ME3: variants seen among roughly 807,000 people sequenced by gnomAD.
The protein encoded by ME3 is malic enzyme 3, also known as NADP-dependent malic enzyme, mitochondrial.
Under a neutral mutation model 68.9 loss-of-function variants are expected in ME3, and 48 were observed. The ratio of observed to expected loss-of-function variants is 0.70; its 90% CI spans 0.55 to 0.89. The LOEUF is 0.89. Ranked by LOEUF, ME3 falls within the 40% of genes least tolerant of loss-of-function variation. The probability of loss-of-function intolerance (pLI) is 0.00; values close to 1 mark genes in which losing one functional copy is unlikely to be tolerated. For synonymous variants in ME3, 320 were observed against 318.8 expected, an observed-to-expected ratio of 1.00 and a Z score of -0.04; for missense variants, 675 against 797.4, an observed-to-expected ratio of 0.85 and a Z score of 1.85.
intron 8 of ME3, chr11:86,457,829 A>G (rs1355853479): frequency 2.4e-6 from 3 of 1,243,812 alleles, no homozygotes; most frequent in Non-Finnish European, 3.1e-6. Context: ...TTTCCTGCAA[A>G]CTGAGTACTT....
At chr11:86,485,430 T>G (rs1951628749) in intron 7 of ME3, among the ~76,000 whole-genome samples, 1 of 152,236 alleles carries the variant, frequency 6.6e-6, no homozygotes, top group South Asian at 2.1e-4. Flanking sequence ...TTCACCTCCC[T>G]TGTCCTAGAT....
intron 2 of ME3, among the ~76,000 whole-genome samples, chr11:86,607,122 A>G (rs1961780589): frequency 1.3e-5 from 2 of 152,184 alleles, no homozygotes; most frequent in South Asian, 4.1e-4. Context: ...TTTATGACTA[A>G]GTGCAGCACT....
intron 2 of ME3, among the ~76,000 whole-genome samples, chr11:86,654,117 C>CA (rs1203402913): frequency 2.0e-5 from 3 of 151,668 alleles, no homozygotes; most frequent in East Asian, 1.9e-4. Context: ...GCTTACCAAC[C>CA]AAAAAAAATC....
intron 2 of ME3, among the ~76,000 whole-genome samples, chr11:86,609,748 G>C (rs1942425604): frequency 6.6e-6 from 1 of 152,092 alleles, no homozygotes; most frequent in Admixed American, 6.6e-5. Context: ...CAAAAAATTG[G>C]GAACAACTTA....
chr11:86,540,552 C>T (rs928126655), intron 4 of ME3, among the ~76,000 whole-genome samples: 1 of 152,108 alleles, frequency 6.6e-6, no homozygotes, highest in African/African-American at 2.4e-5. Context: ...TTCCTAAATC[C>T]AAATCCCTAT....
At chr11:86,472,455 T>C (rs940518510) in intron 7 of ME3, among the ~76,000 whole-genome samples, 1 of 152,054 alleles carries the variant, frequency 6.6e-6, no homozygotes, top group African/African-American at 2.4e-5. Context: ...CAGTGAGAGA[T>C]TGTGAAGTCC....
intron 2 of ME3, among the ~76,000 whole-genome samples, chr11:86,611,962 G>C (rs1380316759): frequency 1.3e-5 from 2 of 152,104 alleles, no homozygotes; most frequent in Non-Finnish European, 2.9e-5. Flanking sequence ...CTTCTAAAAA[G>C]AATGAGATAC....
In ME3 at chr11:86,551,674, C is replaced by G. The variant is rs146327214; in HGVS notation, c.467+4879G>C. 2.8e-4 allele frequency among the ~76,000 whole-genome samples: 43 copies of G among 152,284 alleles called. No homozygotes were observed. The East Asian group carries it at 8.3e-3, about 29-fold the overall frequency. On this transcript the variant is annotated intron_variant, in intron 4 of 14. Transcript: ENST00000543262. Reference sequence around the variant, plus strand: ...TGCACACAAAATAGCTAGACCAGGGCCCACCATGGGAAGTACATGCATTCA... The same window carrying G: ...TGCACACAAAATAGCTAGACCAGGGGCCACCATGGGAAGTACATGCATTCA...
intron 2 of ME3, among the ~76,000 whole-genome samples, chr11:86,579,306 A>G (rs556969694): frequency 2.8e-4 from 42 of 152,210 alleles, no homozygotes; most frequent in Non-Finnish European, 5.0e-4. Context: ...TCAGGTGTGC[A>G]GGTCCAAACT....
chr11:86,448,313 C>G (rs1322088438), intron 10 of ME3, 58 bp from the exon 11 acceptor site: 6 of 1,300,652 alleles, frequency 4.6e-6, no homozygotes, highest in Non-Finnish European at 6.7e-6. Flanking sequence ...GGTAGGAGTA[C>G]AGATGCATTT....
rs77584429 is a variant in ME3, at chr11:86,566,716, A to C, written c.184-6893T>G. ...TTCCACGGCTGTTACTTCACACTCT[A>C]TTGCTTCTTAAACCAGGATGCATTT... On this transcript the variant is annotated intron_variant, in intron 2 of 14. Coordinates refer to ENST00000543262, the Ensembl canonical transcript of ME3. Among the ~76,000 whole-genome samples the C allele has an allele frequency of 2.5e-4, 38 of 152,270 alleles. No homozygotes were observed. The East Asian group carries it at 6.2e-3, about 25-fold the overall frequency.
rs184528978 is a variant in ME3, at chr11:86,623,911, T to A, written c.183+47851A>T. On this transcript the variant is annotated intron_variant, in intron 2 of 14. Transcript: ENST00000543262. ...TGTCTGCCCAGATCAAAATCACACC[T>A]CCCTGCCTGCCCACACACATATGCC... 3.1e-3 allele frequency among the ~76,000 whole-genome samples: 471 copies of A among 152,222 alleles called. 2 individuals carry two copies. The highest frequency in any genetic ancestry group is 5.2e-3 in the Non-Finnish European group (353 of 68,018).
intron 2 of ME3, among the ~76,000 whole-genome samples, chr11:86,585,923 C>T (rs947427203): frequency 2.6e-5 from 4 of 152,160 alleles, no homozygotes; most frequent in East Asian, 1.9e-4. Flanking sequence ...GGAAGGAAGG[C>T]GTGACCAACA....
At chr11:86,620,506 A>G (rs1271141235) in intron 2 of ME3, among the ~76,000 whole-genome samples, 1 of 152,236 alleles carries the variant, frequency 6.6e-6, no homozygotes, top group East Asian at 1.9e-4. Context: ...TTAGGATGAC[A>G]TCTAAAAATA....
intron 4 of ME3, among the ~76,000 whole-genome samples, chr11:86,551,599 T>G (rs988061087): frequency 2.0e-5 from 3 of 152,180 alleles, no homozygotes; most frequent in African/African-American, 7.2e-5. Context: ...CGTTTTCATC[T>G]CAGTGAAATA....
At chr11:86,488,727 C>T (rs1951834287) in intron 6 of ME3, among the ~76,000 whole-genome samples, 1 of 152,168 alleles carries the variant, frequency 6.6e-6, no homozygotes, top group Admixed American at 6.5e-5. Flanking sequence ...TTCTCATGTA[C>T]TATTGCTGAC....
At chr11:86,650,372 C>A (rs1945319855) in intron 2 of ME3, among the ~76,000 whole-genome samples, 1 of 152,182 alleles carries the variant, frequency 6.6e-6, no homozygotes, top group South Asian at 2.1e-4. Flanking sequence ...AAAACCTAGG[C>A]AATACCATTC....
intron 2 of ME3, among the ~76,000 whole-genome samples, chr11:86,580,103 G>A (rs1342005849): frequency 3.3e-5 from 5 of 152,232 alleles, no homozygotes; most frequent in East Asian, 1.9e-4. Context: ...TGATTAGCTC[G>A]AGAATCTATA....
At chr11:86,595,320 G>GAGAGGGAGAGAGAC (rs1959234169) in intron 2 of ME3, among the ~76,000 whole-genome samples, 1 of 138,642 alleles carries the variant, frequency 7.2e-6, no homozygotes, top group African/African-American at 2.7e-5. Flanking sequence ...GAGAGAGAGA[G>GAGAGGGAGAGAGAC]AGAGAGAGAG....
Sources: gnomAD v4.1 joint callset for allele counts (sites outside exome capture counted in the v4.1 genomes callset) on GRCh38, gnomAD v4.1.1 for gene constraint, MANE v1.5 for transcripts, NCBI Gene and HGNC (gene_info 2026-07-23, HGNC 2026-07-21) for gene names.